Variants in GRXCR2 observed in about 807,000 individuals in gnomAD.
The protein encoded by GRXCR2 is glutaredoxin domain-containing cysteine-rich protein 2.
GRXCR2 carries 23 observed loss-of-function variants against 24.8 expected under a neutral mutation model. The observed-to-expected ratio is 0.93, with a 90% CI of 0.67 to 1.32. GRXCR2 has a LOEUF of 1.32. GRXCR2 is among the 40% of genes most tolerant of loss of function. The pLI is 0.00. For synonymous variants in GRXCR2, 130 were observed against 116.1 expected, an observed-to-expected ratio of 1.12 and a Z score of -0.77; for missense variants, 315 against 303.4, an observed-to-expected ratio of 1.04 and a Z score of -0.28.
At chr5:145,886,431 G>A (rs1756781329) in intron 2 of GRXCR2, among the ~76,000 whole-genome samples, 1 of 152,086 alleles carries the variant, frequency 6.6e-6, no homozygotes, top group Admixed American at 6.6e-5. Context: ...CGAGGAGTGT[G>A]GTGGAAAAAC....
At chr5:145,916,847 G>A (rs2149927293) in intron 2 of GRXCR2, among the ~76,000 whole-genome samples, 1 of 152,218 alleles carries the variant, frequency 6.6e-6, no homozygotes, top group African/African-American at 2.4e-5. Context: ...AGCATGAATG[G>A]TGGTCTAGAG....
upstream of GRXCR2, among the ~76,000 whole-genome samples, chr5:145,874,970 G>C (rs941431382): frequency 5.9e-5 from 9 of 152,204 alleles, no homozygotes; most frequent in African/African-American, 2.2e-4. Flanking sequence ...AAATGTCACT[G>C]CTTCTGGGCA....
intron 2 of GRXCR2, among the ~76,000 whole-genome samples, chr5:145,930,460 T>C (rs1757463524): frequency 6.6e-6 from 1 of 152,232 alleles, no homozygotes; most frequent in African/African-American, 2.4e-5. Context: ...TGATATTTTA[T>C]TATTTTATTC....
upstream of GRXCR2, among the ~76,000 whole-genome samples, chr5:145,877,774 C>T (rs149301038): frequency 0.01 from 1,565 of 152,244 alleles, 11 homozygotes; most frequent in Non-Finnish European, 0.018. Context: ...CAGTAGGGGC[C>T]GACAGACACC....
intron 1 of GRXCR2, among the ~76,000 whole-genome samples, chr5:145,870,014 T>C (rs1436893423): frequency 6.6e-6 from 1 of 152,218 alleles, no homozygotes; most frequent in East Asian, 1.9e-4. Context: ...AAGCTCAGGT[T>C]TGACAGGTAT....
chr5:145,898,881 A>G (rs78028524), intron 2 of GRXCR2, among the ~76,000 whole-genome samples: 2,078 of 152,170 alleles, frequency 0.014, 60 homozygotes, highest in African/African-American at 0.047. Context: ...CACAACTCCT[A>G]TTCAACACAG....
intron 2 of GRXCR2, among the ~76,000 whole-genome samples, chr5:145,919,776 T>G (rs775244813): frequency 6.6e-6 from 1 of 151,948 alleles, no homozygotes; most frequent in Non-Finnish European, 1.5e-5. Flanking sequence ...CTTTGCATGC[T>G]TAAAACCCCT....
chr5:145,927,041 G>A (rs1022559071), intron 2 of GRXCR2, among the ~76,000 whole-genome samples: 1 of 152,120 alleles, frequency 6.6e-6, no homozygotes, highest in Non-Finnish European at 1.5e-5. Context: ...TCTGTTATTG[G>A]TGTATAAGAA....
Position 145,878,697 on chromosome 5 carries a change from T to A in GRXCR2, c.-69-11969A>T, listed in dbSNP as rs369346739. Among the ~76,000 whole-genome samples the A allele has an allele frequency of 4.1e-3, 618 of 152,014 alleles. 4 individuals carry two copies. The highest frequency in any genetic ancestry group is 0.014 in the African/African-American group (594 of 41,470). ...ATTCAAATTCAGGAAATACAGAGAA[T>A]AACACAAAGATACTCCTCGAGAAGA... On this transcript the variant is annotated intron_variant, in intron 2 of 3. Coordinates refer to the GRXCR2 transcript ENST00000639411.
At chr5:145,881,551 C>T (rs891053536) in intron 2 of GRXCR2, among the ~76,000 whole-genome samples, 3 of 152,096 alleles carry the variant, frequency 2.0e-5, no homozygotes, top group African/African-American at 7.2e-5. Context: ...GGAAGAACAT[C>T]CCATGCTCAT....
chr5:145,881,474 G>A (rs963941632), intron 2 of GRXCR2, among the ~76,000 whole-genome samples: 67 of 152,164 alleles, frequency 4.4e-4, no homozygotes, highest in Non-Finnish European at 1.0e-4. Flanking sequence ...TACAAGGGAT[G>A]TGAAGGACCT....
At chr5:145,882,974 A>G (rs535578609) in intron 2 of GRXCR2, among the ~76,000 whole-genome samples, 15 of 143,274 alleles carry the variant, frequency 1.0e-4, no homozygotes, top group African/African-American at 3.9e-4. Flanking sequence ...TTGAACAATG[A>G]GAACATTTGG....
intron 2 of GRXCR2, among the ~76,000 whole-genome samples, chr5:145,898,407 C>T (rs1414896895): frequency 6.6e-6 from 1 of 151,904 alleles, no homozygotes; most frequent in Non-Finnish European, 1.5e-5. Flanking sequence ...TATTTCAAAA[C>T]ATCAAGTAGA....
intron 2 of GRXCR2, among the ~76,000 whole-genome samples, chr5:145,881,429 C>G (rs951527533): frequency 2.0e-5 from 3 of 152,054 alleles, no homozygotes; most frequent in African/African-American, 4.8e-5. Context: ...ATTCACAATT[C>G]CTACAAAGAG....
In GRXCR2 at chr5:145,905,653, C is replaced by T. The variant is rs931860687; in HGVS notation, c.-70+30048G>A. On this transcript the variant is annotated intron_variant, in intron 2 of 3. Transcript: ENST00000639411. ...GAGAGATGGAGGGAATAAATAATTC[C>T]GAGTTGCATGGACGGGGTAGGAGAG... Among the ~76,000 whole-genome samples, 7 of 152,030 alleles carry T rather than the reference C, an allele frequency of 4.6e-5. No homozygotes were observed. In the South Asian group the frequency reaches 1.0e-3, roughly 23 times the overall value.
chr5:145,898,970 T>A (rs1313604056), intron 2 of GRXCR2, among the ~76,000 whole-genome samples: 2 of 152,090 alleles, frequency 1.3e-5, no homozygotes, highest in African/African-American at 4.8e-5. Context: ...AAAGTCAAAT[T>A]ATCTCTTTTT....
chr5:145,907,593 G>T (rs1757110131), intron 2 of GRXCR2, among the ~76,000 whole-genome samples: 1 of 152,040 alleles, frequency 6.6e-6, no homozygotes, highest in Non-Finnish European at 1.5e-5. Context: ...GTATAAAGAA[G>T]GGAGACCACA....
At position 145,859,913 on chromosome 5, in the gene GRXCR2, T is replaced by G. The variant is rs771973384; in HGVS notation, c.567A>C (p.Glu189Asp). Residue 189 changes from glutamate (E) to aspartate (D), a missense_variant and splice_region_variant, in exon 3 of 3, where the codon GAA (glutamate) becomes GAC (aspartate). Coordinates refer to ENST00000377976, the MANE Select transcript of GRXCR2 (RefSeq NM_001080516.2). Reference protein sequence around the residue: ...STLPQNRYTQEGDIPEDSCFH... With the variant: ...STLPQNRYTQDGDIPEDSCFH... Reference sequence around the variant, plus strand: ...AACAGCTGTCCTCGGGAATATCCCCTTCCTGCAAGAGACAGGTTAGGGTTT... The same window carrying G: ...AACAGCTGTCCTCGGGAATATCCCCGTCCTGCAAGAGACAGGTTAGGGTTT... The G allele has an allele frequency of 1.3e-6, 2 of 1,567,294 alleles. No homozygotes were observed. The highest frequency in any genetic ancestry group is 2.4e-5 in the South Asian group (2 of 83,406).
chr5:145,896,181 A>C (rs898212452), intron 2 of GRXCR2, among the ~76,000 whole-genome samples: 3 of 152,180 alleles, frequency 2.0e-5, no homozygotes, highest in Admixed American at 6.5e-5. Flanking sequence ...TAAAAACCCT[A>C]GAAGAAAACC....
Sources: allele counts gnomAD v4.1 joint callset (sites outside exome capture counted in the v4.1 genomes callset), GRCh38; gene constraint gnomAD v4.1.1; transcripts MANE v1.5; gene names NCBI Gene and HGNC (gene_info 2026-07-23, HGNC 2026-07-21).